Variants in CALN1 observed in about 807,000 individuals in gnomAD.
The protein encoded by CALN1 is calneuron 1, also known as calcium-binding protein 8.
A neutral mutation model predicts 30.6 loss-of-function variants in CALN1; 17 were observed. The ratio of observed to expected loss-of-function variants is 0.56; its 90% CI spans 0.38 to 0.83. The LOEUF is 0.83. Ranked by LOEUF, CALN1 falls within the 40% of genes least tolerant of loss-of-function variation. The pLI is 0.00. For missense variants in CALN1, 291 were observed against 354.9 expected (o/e 0.82, Z 1.45); for synonymous variants, 156 against 131.4 (o/e 1.19, Z -1.28).
At chr7:72,457,634 A>AGG in the CALN1 span, among the ~76,000 whole-genome samples, 1 of 152,094 alleles carries the variant, frequency 6.6e-6, no homozygotes, top group African/African-American at 2.4e-5. Context: ...AGAGAGAGAG[A>AGG]GGTACCTATT....
chr7:72,292,012 A>C (rs1000716468), intron 2 of CALN1, among the ~76,000 whole-genome samples: 1 of 152,108 alleles, frequency 6.6e-6, no homozygotes, highest in African/African-American at 2.4e-5. Flanking sequence ...AAAAAAAAAA[A>C]AAAGAATTTC....
At chr7:72,239,762 C>A (rs973492694) in intron 3 of CALN1, among the ~76,000 whole-genome samples, 2 of 152,086 alleles carry the variant, frequency 1.3e-5, no homozygotes, top group African/African-American at 4.8e-5. Context: ...CTACATGTGC[C>A]CTCGATCCCA....
intron 3 of CALN1, among the ~76,000 whole-genome samples, chr7:72,264,054 G>C (rs1476214697): frequency 6.6e-6 from 1 of 152,130 alleles, no homozygotes; most frequent in Non-Finnish European, 1.5e-5. Flanking sequence ...AACCAAAATG[G>C]AGTCCCTCAT....
At chr7:71,801,617 C>T (rs1203699842) in intron 6 of CALN1, among the ~76,000 whole-genome samples, 1 of 152,006 alleles carries the variant, frequency 6.6e-6, no homozygotes, top group Non-Finnish European at 1.5e-5. Flanking sequence ...CAGGGCCATG[C>T]AGAGGGGTCA....
chr7:72,355,317 G>A (rs1803162073), intron 2 of CALN1, among the ~76,000 whole-genome samples: 1 of 152,126 alleles, frequency 6.6e-6, no homozygotes, highest in Non-Finnish European at 1.5e-5. Flanking sequence ...CTTGAGGCCA[G>A]GAGTTCAAGA....
the CALN1 span, among the ~76,000 whole-genome samples, chr7:72,455,677 T>C: frequency 1.9e-3 from 290 of 152,176 alleles, 2 homozygotes; most frequent in African/African-American, 5.6e-3. Flanking sequence ...GTTGGTGACA[T>C]TGGAACCTGG....
chr7:71,937,570 C>T (rs2129521682), intron 5 of CALN1, among the ~76,000 whole-genome samples: 1 of 152,202 alleles, frequency 6.6e-6, no homozygotes, highest in East Asian at 1.9e-4. Context: ...CCTCACATTC[C>T]TAGGCTCAAG....
At chr7:72,491,159 G>A in the CALN1 span, among the ~76,000 whole-genome samples, 1 of 152,006 alleles carries the variant, frequency 6.6e-6, no homozygotes. Flanking sequence ...CAGGAGAATG[G>A]CGTGAACCCG....
At chr7:71,846,701 G>A (rs1790258340) in intron 5 of CALN1, among the ~76,000 whole-genome samples, 2 of 149,370 alleles carry the variant, frequency 1.3e-5, no homozygotes, top group South Asian at 4.2e-4. Flanking sequence ...TCTACTTGGA[G>A]GCTATATATA....
chr7:71,791,972 C>T (rs895908504), intron 6 of CALN1, among the ~76,000 whole-genome samples: 3 of 152,016 alleles, frequency 2.0e-5, no homozygotes, highest in Non-Finnish European at 2.9e-5. Flanking sequence ...GATCGCGCCA[C>T]TGCACTCCAG....
chr7:72,499,410 A>G, the CALN1 span, among the ~76,000 whole-genome samples: 7 of 152,148 alleles, frequency 4.6e-5, no homozygotes, highest in Non-Finnish European at 1.0e-4. Flanking sequence ...TTAATAATTG[A>G]TTGATTCATG....
At chr7:71,989,354 C>T (rs1798830020) in intron 5 of CALN1, among the ~76,000 whole-genome samples, 1 of 151,914 alleles carries the variant, frequency 6.6e-6, no homozygotes, top group Non-Finnish European at 1.5e-5. Context: ...AAGAGAACTG[C>T]CTGAAGCCAG....
chr7:72,106,394 A>C, intron 3 of CALN1, 100 bp from the exon 4 acceptor site: 2 of 1,419,650 alleles, frequency 1.4e-6, no homozygotes, highest in Non-Finnish European at 1.9e-6. Flanking sequence ...ACTGCTTTAA[A>C]AACAGTGATT....
chr7:72,410,008 A>G (rs923240646), intron 1 of CALN1, among the ~76,000 whole-genome samples: 3 of 152,152 alleles, frequency 2.0e-5, no homozygotes, highest in Non-Finnish European at 4.4e-5. Flanking sequence ...CCACAAAAAG[A>G]ATTTATTTTT....
chr7:72,028,115 C>A (rs1428037060), intron 4 of CALN1, among the ~76,000 whole-genome samples: 2 of 150,516 alleles, frequency 1.3e-5, no homozygotes, highest in Non-Finnish European at 3.0e-5. Context: ...GATATGCCCA[C>A]CAGGCTGCTC....
intron 4 of CALN1, among the ~76,000 whole-genome samples, chr7:72,105,855 G>A (rs1301433351): frequency 7.1e-5 from 6 of 84,152 alleles, no homozygotes; most frequent in Non-Finnish European, 1.3e-4. Context: ...GAGGGAGGGG[G>A]AAGAGGGGGA....
At chr7:72,182,596 T>G (rs563701254) in intron 3 of CALN1, among the ~76,000 whole-genome samples, 15 of 152,196 alleles carry the variant, frequency 9.9e-5, no homozygotes, top group Admixed American at 6.5e-4. Context: ...GGCACACACC[T>G]GTAGTCCCAG....
intron 2 of CALN1, among the ~76,000 whole-genome samples, chr7:72,334,903 A>G (rs1801909361): frequency 6.6e-6 from 1 of 152,236 alleles, no homozygotes; most frequent in Non-Finnish European, 1.5e-5. Flanking sequence ...CTCAACAAAC[A>G]GAGCCATTCC....
At position 71,999,976 on chromosome 7, in the gene CALN1, C is replaced by T. The variant is rs368994914; in HGVS notation, c.501+23681G>A. 4.0e-5 allele frequency among the ~76,000 whole-genome samples: 6 copies of T among 151,868 alleles called. No individual in the cohort carries two copies. In the East Asian group the frequency reaches 5.8e-4, roughly 15 times the overall value. On this transcript the variant is annotated intron_variant, in intron 5 of 6. Coordinates refer to ENST00000395275, the MANE Select transcript of CALN1 (RefSeq NM_031468.4). The stretch of plus-strand genomic sequence containing the variant: ...TAGCAACAGAAAGACACCAGGAAAA[C>T]CTCTAAATACCTGGAAAATTAATAA...
Sources: allele counts gnomAD v4.1 joint callset (sites outside exome capture counted in the v4.1 genomes callset), GRCh38; gene constraint gnomAD v4.1.1; transcripts MANE v1.5; gene names NCBI Gene and HGNC (gene_info 2026-07-23, HGNC 2026-07-21).